GALNT2: variants seen among roughly 807,000 people sequenced by gnomAD.
The protein encoded by GALNT2 is polypeptide N-acetylgalactosaminyltransferase 2.
A neutral mutation model predicts 81.4 loss-of-function variants in GALNT2; 31 were observed. That is an observed-to-expected ratio of 0.38 (90% CI 0.29 to 0.51). The LOEUF is 0.51. Among genes scored for constraint, GALNT2 ranks in the 20% least tolerant of loss-of-function variants. GALNT2 has a pLI of 0.87. For synonymous variants in GALNT2, 303 were observed against 287.4 expected (o/e 1.05, Z -0.55); for missense variants, 629 against 765.7 (o/e 0.82, Z 2.11).
intron 8 of GALNT2, among the ~76,000 whole-genome samples, chr1:230,247,759 A>G (rs965937721): frequency 6.6e-6 from 1 of 152,118 alleles, no homozygotes; most frequent in African/African-American, 2.4e-5. Context: ...TCACCCTAAG[A>G]GCATTTTATG....
At chr1:230,112,419 C>T (rs1660730852) in intron 1 of GALNT2, among the ~76,000 whole-genome samples, 1 of 151,558 alleles carries the variant, frequency 6.6e-6, no homozygotes, top group African/African-American at 2.4e-5. Flanking sequence ...GTGCGTGGAG[C>T]ATGTAGCTTG....
chr1:230,208,336 G>A (rs1308599982), intron 3 of GALNT2, among the ~76,000 whole-genome samples: 3 of 152,178 alleles, frequency 2.0e-5, no homozygotes, highest in Non-Finnish European at 2.9e-5. Flanking sequence ...GGAAGAGGGT[G>A]CCAAGGATTG....
intron 6 of GALNT2, 139 bp downstream of exon 6, chr1:230,236,864 C>T (rs1287429849): frequency 1.0e-5 from 7 of 684,726 alleles, no homozygotes; most frequent in East Asian, 2.8e-5. Flanking sequence ...GCTTGGGAGA[C>T]TTCTCCCAGC....
At chr1:230,260,129 T>C (rs1316942334) in intron 11 of GALNT2, among the ~76,000 whole-genome samples, 1 of 152,240 alleles carries the variant, frequency 6.6e-6, no homozygotes, top group East Asian at 1.9e-4. Flanking sequence ...CAAAAAGTTT[T>C]GGATGTTAGG....
At chr1:230,244,274 A>G (rs530992902) in intron 7 of GALNT2, among the ~76,000 whole-genome samples, 13 of 152,094 alleles carry the variant, frequency 8.5e-5, no homozygotes, top group South Asian at 2.1e-4. Flanking sequence ...GGCCTTTTTT[A>G]TATGTTACCT....
At chr1:230,134,681 C>T (rs1661480821) in intron 1 of GALNT2, among the ~76,000 whole-genome samples, 1 of 152,154 alleles carries the variant, frequency 6.6e-6, no homozygotes, top group Non-Finnish European at 1.5e-5. Context: ...GCTCATGAGA[C>T]ATTTCACAGT....
intron 8 of GALNT2, among the ~76,000 whole-genome samples, chr1:230,246,453 C>T (rs1180505041): frequency 1.3e-5 from 2 of 152,302 alleles, no homozygotes; most frequent in East Asian, 3.9e-4. Flanking sequence ...GATGATGAAG[C>T]CCTCCTTGCA....
chr1:230,068,169 C>T (rs777600794), intron 1 of GALNT2, among the ~76,000 whole-genome samples: 1 of 152,266 alleles, frequency 6.6e-6, no homozygotes, highest in Non-Finnish European at 1.5e-5. Context: ...TCTTCTGTGG[C>T]TGTGTTTTTA....
At chr1:230,268,492 C>T (rs1666089862) in intron 14 of GALNT2, 1 of 152,184 alleles carries the variant, frequency 6.6e-6, no homozygotes, top group African/African-American at 2.4e-5. Flanking sequence ...GTCAGCGCCT[C>T]TGCTGGAAAG....
At chr1:230,242,442 G>T (rs1190708436) in intron 6 of GALNT2, among the ~76,000 whole-genome samples, 1 of 152,070 alleles carries the variant, frequency 6.6e-6, no homozygotes, top group Non-Finnish European at 1.5e-5. Flanking sequence ...ATGAATAGTT[G>T]CATCATCTTC....
chr1:230,237,783 A>G (rs560723792), intron 6 of GALNT2, among the ~76,000 whole-genome samples: 1 of 152,032 alleles, frequency 6.6e-6, no homozygotes, highest in African/African-American at 2.4e-5. Context: ...CTTCAAAATA[A>G]CTTTATGAAT....
intron 13 of GALNT2, chr1:230,264,451 G>A (rs1276308287): frequency 6.6e-6 from 1 of 152,210 alleles, no homozygotes; most frequent in Non-Finnish European, 1.5e-5. Context: ...GTGACACTGG[G>A]CCCCGCACCC....
intron 1 of GALNT2, among the ~76,000 whole-genome samples, chr1:230,083,039 GAGGGAAGCTGGGATGATGGAGC>G (rs1271389643): frequency 1.3e-5 from 2 of 150,214 alleles, no homozygotes; most frequent in Non-Finnish European, 3.0e-5. Context: ...GATGATGGAG[GAGGGAAGCTGGGATGATGGAGC>G]AGGGAAGCCG....
chr1:230,164,397 G>C (rs977634500), intron 1 of GALNT2, among the ~76,000 whole-genome samples: 1 of 152,200 alleles, frequency 6.6e-6, no homozygotes, highest in African/African-American at 2.4e-5. Flanking sequence ...TTTGGTGTTT[G>C]ACCCGTTTCT....
intron 3 of GALNT2, among the ~76,000 whole-genome samples, chr1:230,218,360 C>A (rs1664449866): frequency 6.6e-6 from 1 of 152,220 alleles, no homozygotes; most frequent in South Asian, 2.1e-4. Flanking sequence ...GGCACCAGGT[C>A]TCCCATGTTG....
Position 230,204,833 on chromosome 1 carries a change from G to A in GALNT2, c.374+1543G>A, listed in dbSNP as rs78983435. On this transcript the variant is annotated intron_variant, in intron 3 of 15. Transcript: ENST00000366672. ...CTACCATATGTCAGACTCTGTGCTC[G>A]GATCCTAGCATTTCACCCAGAAAAA... Among the ~76,000 whole-genome samples, 96 of 152,302 alleles carry A rather than the reference G, an allele frequency of 6.3e-4. 1 individual carries two copies. Among genetic ancestry groups the A allele is most frequent in the African/African-American group, 2.2e-3 (91 of 41,556 alleles).
intron 1 of GALNT2, among the ~76,000 whole-genome samples, chr1:230,137,326 A>G (rs961639993): frequency 1.3e-5 from 2 of 152,184 alleles, no homozygotes; most frequent in Non-Finnish European, 1.5e-5. Context: ...GGTGGTGGAT[A>G]TGGCCGAAGC....
At chr1:230,074,354 C>T (rs1160265615) in intron 1 of GALNT2, among the ~76,000 whole-genome samples, 4 of 152,182 alleles carry the variant, frequency 2.6e-5, no homozygotes, top group Non-Finnish European at 5.9e-5. Context: ...ATTGGGATTC[C>T]AGGTGTGAGC....
At chr1:230,268,842 G>C (rs1378220893) in intron 14 of GALNT2, among the ~76,000 whole-genome samples, 2 of 152,304 alleles carry the variant, frequency 1.3e-5, no homozygotes, top group East Asian at 3.9e-4. Context: ...GAGTCTCCAG[G>C]ATTCCTCTCT....
Sources: gnomAD v4.1 joint callset for allele counts (sites outside exome capture counted in the v4.1 genomes callset) on GRCh38, gnomAD v4.1.1 for gene constraint, MANE v1.5 for transcripts, NCBI Gene and HGNC (gene_info 2026-07-23, HGNC 2026-07-21) for gene names.